The following GPR161 variants were observed in gnomAD, a reference collection of about 807,000 sequenced individuals.
GPR161 encodes G-protein coupled receptor RE2.
A neutral mutation model predicts 39.2 loss-of-function variants in GPR161; 25 were observed. The ratio of observed to expected loss-of-function variants is 0.64; its 90% CI spans 0.47 to 0.89. The LOEUF (loss-of-function observed/expected upper bound fraction) is 0.89, where lower values mean the gene tolerates loss of function less well. Ranked by LOEUF, GPR161 falls within the 40% of genes least tolerant of loss-of-function variation. The pLI, the probability that GPR161 is intolerant of heterozygous loss-of-function variation, is 0.00. For synonymous variants in GPR161, 286 were observed against 276.6 expected (o/e 1.03, Z -0.34); for missense variants, 547 against 677.8 (o/e 0.81, Z 2.14).
In GPR161 at chr1:168,079,718, T is replaced by C. The variant is rs375679428; in HGVS notation, c.*5813A>G. 37 of 152,234 alleles carry C rather than the reference T, an allele frequency of 2.4e-4. No homozygotes were observed. Among genetic ancestry groups the C allele is most frequent in the African/African-American group, 8.7e-4 (36 of 41,556 alleles). 9.4% of individuals were successfully genotyped at this position (152,234 alleles called of 1,614,324 possible). On this transcript the variant is annotated 3_prime_UTR_variant, in exon 6 of 6. Coordinates refer to ENST00000682931, the MANE Select transcript of GPR161 (RefSeq NM_001375883.1). ...GCCAGGGATTTTTGTTTTTCGAGGGTTGGTTTTTAACCACTTCTTCATCCA... is the reference window on the plus strand; with the variant it reads ...GCCAGGGATTTTTGTTTTTCGAGGGCTGGTTTTTAACCACTTCTTCATCCA...
intron 1 of GPR161, chr1:168,136,415 G>A (rs1699378499): frequency 7.3e-7 from 1 of 1,360,992 alleles, no homozygotes; most frequent in Non-Finnish European, 9.5e-7. Flanking sequence ...CTGTTTAGGG[G>A]CTTCGGGCGG....
rs768221952 is a variant in GPR161 at position 168,087,611 on chromosome 1, A to C, written c.1298T>G (p.Phe433Cys). 1.2e-6 allele frequency: 2 copies of C among 1,613,956 alleles called. No individual in the cohort carries two copies. Among genetic ancestry groups the C allele is most frequent in the Middle Eastern group, 1.6e-4 (1 of 6,084 alleles). Reference sequence around the variant, plus strand: ...TTTGATTTGTTCCACTTCATCCTCAAATGTCACCGAGCTCCTTCTCTTGGG... The same window carrying C: ...TTTGATTTGTTCCACTTCATCCTCACATGTCACCGAGCTCCTTCTCTTGGG... ...CPPKRRSSVTFEDEVEQIKEA... is the reference protein window; with the variant it reads ...CPPKRRSSVTCEDEVEQIKEA... The change falls in exon 5 of 6, where the codon TTT becomes TGT. Residue 433 changes from phenylalanine (F) to cysteine (C), a missense_variant. Phe to Cys is a radical substitution (Grantham distance 205). Coordinates refer to ENST00000682931, the MANE Select transcript of GPR161 (RefSeq NM_001375883.1).
In GPR161 at chr1:168,115,836, C is replaced by T. The variant is rs367960831; in HGVS notation, c.-44-10942G>A. Among the ~76,000 whole-genome samples, 403 of 151,406 alleles carry T rather than the reference C, an allele frequency of 2.7e-3. 2 individuals are homozygous for T. The highest frequency in any genetic ancestry group is 0.019 in the South Asian group (92 of 4,794). On this transcript the variant is annotated intron_variant, in intron 1 of 5. Coordinates refer to ENST00000682931, the MANE Select transcript of GPR161 (RefSeq NM_001375883.1). ...TGTCGCCCAGGCTGGAGTGCAGTGG[C>T]GCGATCTCGGCTCACTGCAAGCTCC... is the stretch of plus-strand genomic sequence containing the variant.
intron 1 of GPR161, among the ~76,000 whole-genome samples, chr1:168,108,509 A>AAAAAAAAAAAAAAAAAAT (rs1696842255): frequency 1.3e-5 from 2 of 148,302 alleles, no homozygotes; most frequent in East Asian, 1.9e-4. Flanking sequence ...AAAAAAAAAA[A>AAAAAAAAAAAAAAAAAAT]AAACTGGAAA....
At chr1:168,110,448 G>A (rs1402924350) in intron 1 of GPR161, among the ~76,000 whole-genome samples, 1 of 147,780 alleles carries the variant, frequency 6.8e-6, no homozygotes, top group Non-Finnish European at 1.5e-5. Context: ...GCAGTGAGCC[G>A]TGATCACACC....
At chr1:168,123,466 A>G (rs933735505) in intron 1 of GPR161, among the ~76,000 whole-genome samples, 2 of 151,874 alleles carry the variant, frequency 1.3e-5, no homozygotes, top group Admixed American at 1.3e-4. Flanking sequence ...TCAAAAAATT[A>G]TATGTATGTA....
At position 168,081,468 on chromosome 1, in the gene GPR161, C is replaced by T. The variant is rs949587551; in HGVS notation, c.*4063G>A. On this transcript the variant is annotated 3_prime_UTR_variant, in exon 6 of 6. Coordinates refer to ENST00000682931, the MANE Select transcript of GPR161 (RefSeq NM_001375883.1). ...ATACTGTGAAGAAACACCAGTGGCT[C>T]AGCTTCAGCTGCACCCCAGGCATTG... is the stretch of plus-strand genomic sequence containing the variant. The T allele has an allele frequency of 6.6e-6, 1 of 152,260 alleles. No homozygotes were observed. Among genetic ancestry groups the T allele is most frequent in the Non-Finnish European group, 1.5e-5 (1 of 68,064 alleles). 9.4% of individuals were successfully genotyped at this position (152,260 alleles called of 1,614,324 possible). A position where few individuals can be genotyped will look rare whatever the true frequency, so the allele number is the denominator to read the frequency against.
In GPR161 at chr1:168,096,540, G is replaced by T; in HGVS notation, c.1067C>A (p.Ser356Tyr). ...CCTGTTGGAAATGCTGAAGAGCCTG[G>T]AAGTCCTCTGTCGTTGCACAAATGG... ...REPFVQRQRT[S>Y]RLFSISNRIT... The change falls in exon 3 of 6, where the codon TCC becomes TAC. Residue 356 changes from serine (S) to tyrosine (Y), a missense_variant. Ser to Tyr is a moderately radical substitution (Grantham distance 144). Transcript: ENST00000682931. 1 of 1,614,130 alleles carries T rather than the reference G, an allele frequency of 6.2e-7. No individual in the cohort carries two copies. The highest frequency in any genetic ancestry group is 1.6e-4 in the Middle Eastern group (1 of 6,062).
chr1:168,097,728 A>G (rs1026202960), intron 2 of GPR161, among the ~76,000 whole-genome samples: 1 of 152,222 alleles, frequency 6.6e-6, no homozygotes, highest in African/African-American at 2.4e-5. Context: ...TGCAGTTGAG[A>G]AGATGTGAGG....
intron 1 of GPR161, among the ~76,000 whole-genome samples, chr1:168,123,537 T>TACACACACACACACACACACACAC (rs10534836): frequency 7.2e-6 from 1 of 138,120 alleles, no homozygotes; most frequent in African/African-American, 2.7e-5. Flanking sequence ...TGCACATACA[T>TACACACACACACACACACACACAC]ACACACACAC....
At chr1:168,137,582 A>T (rs1197902276), upstream of GPR161, 2 of 611,028 alleles carry the variant, frequency 3.3e-6, no homozygotes, top group Non-Finnish European at 5.8e-6. Flanking sequence ...TCATCACAAA[A>T]CAAAGAGCGG....
At chr1:168,137,312 T>TC, upstream of GPR161, 5 of 1,532,016 alleles carry the variant, frequency 3.3e-6, no homozygotes, top group South Asian at 6.0e-5. Context: ...TTCAGATTCT[T>TC]CCCGCAGGCT....
At chr1:168,104,339 G>T in intron 2 of GPR161, 138 bp downstream of exon 2, 1 of 648,614 alleles carries the variant, frequency 1.5e-6, no homozygotes. Context: ...TGGCTCCAGA[G>T]GCAGAACTCC....
chr1:168,100,589 G>A (rs1696003480), intron 2 of GPR161, among the ~76,000 whole-genome samples: 1 of 152,152 alleles, frequency 6.6e-6, no homozygotes, highest in African/African-American at 2.4e-5. Flanking sequence ...TCAGGCTCCT[G>A]CCACAAGACC....
chr1:168,107,542 A>C (rs1488304191), intron 1 of GPR161, among the ~76,000 whole-genome samples: 1 of 152,204 alleles, frequency 6.6e-6, no homozygotes, highest in Non-Finnish European at 1.5e-5. Context: ...CCCCACCAAC[A>C]AGAAGGCCCT....
chr1:168,111,892 AACAT>A (rs1471407658), intron 1 of GPR161, among the ~76,000 whole-genome samples: 1 of 152,070 alleles, frequency 6.6e-6, no homozygotes, highest in Non-Finnish European at 1.5e-5. Context: ...TGAAAACACC[AACAT>A]ACAGAGAAAT....
intron 1 of GPR161, among the ~76,000 whole-genome samples, chr1:168,120,990 T>C (rs1698118607): frequency 6.6e-6 from 1 of 152,202 alleles, no homozygotes; most frequent in Admixed American, 6.5e-5. Flanking sequence ...TATTTTACCA[T>C]AATTTAAAAA....
chr1:168,096,350 C>A (rs758987384), intron 3 of GPR161, among the ~76,000 whole-genome samples, 158 bp downstream of exon 3: 9 of 152,094 alleles, frequency 5.9e-5, no homozygotes, highest in Non-Finnish European at 1.3e-4. Context: ...CTGGCAATCA[C>A]AGCGGAGCCT....
chr1:168,132,541 T>G (rs1474207376), intron 1 of GPR161, among the ~76,000 whole-genome samples: 1 of 147,356 alleles, frequency 6.8e-6, no homozygotes, highest in African/African-American at 2.5e-5. Context: ...TGAGCCGAGA[T>G]CGCGCCACTG....
Sources: gnomAD v4.1 joint callset for allele counts (sites outside exome capture counted in the v4.1 genomes callset) on GRCh38, gnomAD v4.1.1 for gene constraint, MANE v1.5 for transcripts, NCBI Gene and HGNC (gene_info 2026-07-23, HGNC 2026-07-21) for gene names.